DTWD2: variants seen among roughly 807,000 people sequenced by gnomAD.
DTWD2 encodes the protein tRNA-uridine aminocarboxypropyltransferase 2.
A neutral mutation model predicts 31.8 loss-of-function variants in DTWD2; 39 were observed. The ratio of observed to expected loss-of-function variants is 1.22; its 90% CI spans 0.95 to 1.60. DTWD2 has a LOEUF of 1.60. Ranked by LOEUF, DTWD2 falls within the 40% of genes most tolerant of loss-of-function variation. The pLI, the probability that DTWD2 is intolerant of heterozygous loss-of-function variation, is 0.00. For missense variants in DTWD2, 515 were observed against 381.5 expected (o/e 1.35, Z -2.92); for synonymous variants, 180 against 142.8 (o/e 1.26, Z -1.86).
chr5:118,971,936 G>A (rs1485762897), intron 1 of DTWD2, among the ~76,000 whole-genome samples: 1 of 152,140 alleles, frequency 6.6e-6, no homozygotes, highest in Non-Finnish European at 1.5e-5. Flanking sequence ...AGAACAAAGA[G>A]ACACTGCACC....
intron 4 of DTWD2, among the ~76,000 whole-genome samples, chr5:118,900,554 A>G (rs1162760803): frequency 6.6e-6 from 1 of 152,240 alleles, no homozygotes; most frequent in East Asian, 1.9e-4. Flanking sequence ...GATATACAAA[A>G]AAGATAAAGT....
At chr5:118,915,531 C>T (rs549124397) in intron 4 of DTWD2, among the ~76,000 whole-genome samples, 2 of 152,220 alleles carry the variant, frequency 1.3e-5, no homozygotes, top group South Asian at 2.1e-4. Context: ...CACACCACCA[C>T]ACCTGGCTAA....
intron 4 of DTWD2, among the ~76,000 whole-genome samples, chr5:118,884,996 C>CAAAAA (rs36042211): frequency 3.8e-4 from 19 of 49,746 alleles, no homozygotes; most frequent in African/African-American, 1.4e-3. Flanking sequence ...ACTCCATCTC[C>CAAAAA]AAAAAAAAAA....
At position 118,928,732 on chromosome 5, in the gene DTWD2, GA is replaced by G; in HGVS notation, c.405-4del. On this transcript the variant is annotated splice_polypyrimidine_tract_variant and splice_region_variant and intron_variant, in intron 3 of 5. Coordinates refer to ENST00000510708, the MANE Select transcript of DTWD2 (RefSeq NM_173666.4). ...AAACAGTTGAAAGTTCAGGATCTCTGAAAAAGTTTTTTAAAAATATATCTTT... is the reference window on the plus strand; with the variant it reads ...AAACAGTTGAAAGTTCAGGATCTCTGAAAAGTTTTTTAAAAATATATCTTT... 3 of 1,526,082 alleles carry G rather than the reference GA, an allele frequency of 2.0e-6. No individual in the cohort carries two copies. Among genetic ancestry groups the G allele is most frequent in the South Asian group, 1.4e-5 (1 of 71,582 alleles). The allele number at this position is 1,526,082 out of a possible 1,614,324, so 94.5% of individuals were successfully genotyped here.
chr5:118,847,219 A>C (rs1751878541), intron 5 of DTWD2, among the ~76,000 whole-genome samples: 1 of 152,098 alleles, frequency 6.6e-6, no homozygotes. Flanking sequence ...AACTGTAACC[A>C]TAATGGATAA....
chr5:118,987,686 C>G (rs1755458393), intron 1 of DTWD2, among the ~76,000 whole-genome samples: 1 of 152,184 alleles, frequency 6.6e-6, no homozygotes. Flanking sequence ...CAGTGATTAC[C>G]AAAGCACTCA....
intron 4 of DTWD2, among the ~76,000 whole-genome samples, chr5:118,909,043 C>G (rs1356612438): frequency 6.6e-6 from 1 of 152,218 alleles, no homozygotes; most frequent in African/African-American, 2.4e-5. Flanking sequence ...AGGAAACTCC[C>G]TGACCCGAGT....
intron 1 of DTWD2, among the ~76,000 whole-genome samples, chr5:118,977,385 G>A (rs1237829765): frequency 1.3e-5 from 2 of 152,200 alleles, no homozygotes; most frequent in African/African-American, 4.8e-5. Context: ...TAGGAAGAGA[G>A]GAAGTCAAAT....
chr5:118,955,933 A>G (rs1355582582), intron 1 of DTWD2, among the ~76,000 whole-genome samples: 1 of 152,196 alleles, frequency 6.6e-6, no homozygotes, highest in Non-Finnish European at 1.5e-5. Context: ...CTACTTCTAG[A>G]ATTTATATAG....
At chr5:118,882,338 G>A (rs190034981) in intron 4 of DTWD2, among the ~76,000 whole-genome samples, 88 of 152,328 alleles carry the variant, frequency 5.8e-4, no homozygotes, top group African/African-American at 1.8e-3. Flanking sequence ...CAGTCCCTAC[G>A]GCTGCTTTCA....
intron 4 of DTWD2, among the ~76,000 whole-genome samples, chr5:118,866,523 C>T (rs1752383778): frequency 6.6e-6 from 1 of 152,180 alleles, no homozygotes; most frequent in South Asian, 2.1e-4. Flanking sequence ...AACATTAATA[C>T]TCTACAAGGA....
intron 2 of DTWD2, among the ~76,000 whole-genome samples, chr5:118,941,507 C>A (rs1195143990): frequency 6.6e-6 from 1 of 152,192 alleles, no homozygotes; most frequent in Non-Finnish European, 1.5e-5. Context: ...AGGACATGAA[C>A]TCATCATTTT....
intron 1 of DTWD2, among the ~76,000 whole-genome samples, chr5:118,971,175 A>C (rs980039130): frequency 2.0e-5 from 3 of 152,210 alleles, no homozygotes; most frequent in African/African-American, 7.2e-5. Flanking sequence ...TGCCCTAACT[A>C]AAAGACACAG....
At chr5:118,915,124 T>C (rs1056986280) in intron 4 of DTWD2, among the ~76,000 whole-genome samples, 1 of 151,840 alleles carries the variant, frequency 6.6e-6, no homozygotes, top group Non-Finnish European at 1.5e-5. Context: ...GGTTGAGGCA[T>C]GAGAATCACT....
chr5:118,857,761 C>G (rs1010395170), intron 4 of DTWD2, among the ~76,000 whole-genome samples: 1 of 152,156 alleles, frequency 6.6e-6, no homozygotes. Flanking sequence ...TGTGCCTGTT[C>G]CCACTAGCCA....
At position 118,928,488 on chromosome 5, in the gene DTWD2, T is replaced by C. The variant is rs771854336; in HGVS notation, c.597+49A>G. 9 of 1,282,796 alleles carry C rather than the reference T, an allele frequency of 7.0e-6. No homozygotes were observed. In the South Asian group the frequency reaches 2.2e-4, roughly 32 times the overall value. 79.5% of individuals were successfully genotyped at this position (1,282,796 alleles called of 1,614,324 possible). On this transcript the variant is annotated intron_variant, in intron 4 of 5. Coordinates refer to ENST00000510708, the MANE Select transcript of DTWD2 (RefSeq NM_173666.4). ...CCCTTCACAGAAAACATACACAATA[T>C]ACCTAATTATATATTTATATTTATT...
intron 1 of DTWD2, among the ~76,000 whole-genome samples, chr5:118,962,130 C>A (rs1415681325): frequency 6.6e-6 from 1 of 151,914 alleles, no homozygotes; most frequent in Non-Finnish European, 1.5e-5. Context: ...CCCAGCTACT[C>A]AGGAGGCTGA....
chr5:118,983,407 A>C (rs1755351544), intron 1 of DTWD2, among the ~76,000 whole-genome samples: 1 of 152,224 alleles, frequency 6.6e-6, no homozygotes, highest in Non-Finnish European at 1.5e-5. Flanking sequence ...TTAAAAGCTG[A>C]TAAAACACAG....
chr5:118,900,968 G>A (rs1043039266), intron 4 of DTWD2, among the ~76,000 whole-genome samples: 1 of 150,536 alleles, frequency 6.6e-6, no homozygotes, highest in Non-Finnish European at 1.5e-5. Flanking sequence ...CATATTTCCT[G>A]CTCTACTTTT....
Sources: gnomAD v4.1 joint callset for allele counts (sites outside exome capture counted in the v4.1 genomes callset) on GRCh38, gnomAD v4.1.1 for gene constraint, MANE v1.5 for transcripts, NCBI Gene and HGNC (gene_info 2026-07-23, HGNC 2026-07-21) for gene names.